Variants in ARAP2 observed in about 807,000 individuals in gnomAD.
The protein encoded by ARAP2 is arf-GAP with Rho-GAP domain, ANK repeat and PH domain-containing protein 2.
ARAP2 carries 148 observed loss-of-function variants against 194.5 expected under a neutral mutation model. The ratio of observed to expected loss-of-function variants is 0.76; its 90% CI spans 0.67 to 0.87. The LOEUF is 0.87. Among genes scored for constraint, ARAP2 ranks in the 40% least tolerant of loss-of-function variants. The probability of loss-of-function intolerance (pLI) is 0.00; values close to 1 mark genes in which losing one functional copy is unlikely to be tolerated. For synonymous variants in ARAP2, 695 were observed against 683.5 expected, an observed-to-expected ratio of 1.02 and a Z score of -0.26; for missense variants, 2,128 against 1,989.7, an observed-to-expected ratio of 1.07 and a Z score of -1.32.
At chr4:36,054,733 C>T (rs1335960782) in intron 2 of ARAP2, among the ~76,000 whole-genome samples, 1 of 152,000 alleles carries the variant, frequency 6.6e-6, no homozygotes, top group Non-Finnish European at 1.5e-5. Context: ...ACATCATTAC[C>T]ACATACTACC....
chr4:36,187,911 G>A (rs1740939454), intron 7 of ARAP2, among the ~76,000 whole-genome samples: 1 of 152,170 alleles, frequency 6.6e-6, no homozygotes, highest in South Asian at 2.1e-4. Flanking sequence ...ATGATTTTAT[G>A]GTGTTTGCAG....
At chr4:36,192,824 T>C (rs1255928676) in intron 7 of ARAP2, among the ~76,000 whole-genome samples, 2 of 152,108 alleles carry the variant, frequency 1.3e-5, no homozygotes, top group Admixed American at 1.3e-4. Flanking sequence ...TGGTGAAACC[T>C]TGTCTCTACT....
intron 32 of ARAP2, 85 bp downstream of exon 32, chr4:36,073,604 T>A: frequency 6.9e-7 from 1 of 1,446,514 alleles, no homozygotes; most frequent in Non-Finnish European, 9.4e-7. Flanking sequence ...TTGAAGCCAA[T>A]GAAGTAATTA....
intron 19 of ARAP2, among the ~76,000 whole-genome samples, chr4:36,141,155 T>C (rs540768149): frequency 6.6e-6 from 1 of 151,798 alleles, no homozygotes; most frequent in African/African-American, 2.4e-5. Flanking sequence ...AAAGTGATGA[T>C]ACAATTTCCT....
At chr4:36,150,125 C>T (rs973939835) in intron 16 of ARAP2, among the ~76,000 whole-genome samples, 5 of 152,020 alleles carry the variant, frequency 3.3e-5, no homozygotes, top group Non-Finnish European at 7.4e-5. Flanking sequence ...TTTTTTCTGA[C>T]CATTAAATTA....
chr4:36,028,893 A>T (rs1718428868), intron 5 of ARAP2, among the ~76,000 whole-genome samples: 1 of 151,922 alleles, frequency 6.6e-6, no homozygotes, highest in Non-Finnish European at 1.5e-5. Context: ...CACAGATGAA[A>T]GGGCCATTTT....
rs759514696 is a variant in ARAP2 at position 36,068,085 on chromosome 4, C to T, written c.4937G>A (p.Gly1646Glu). ...TAGGCCTTTATGGCCTTTTGGTTGC[C>T]CAAGTGGGGCTTCAGGCTCTGTGTC... Reference protein sequence around the residue: ...LEDTEPEAPLGQPKGHKGLKT... With the variant: ...LEDTEPEAPLEQPKGHKGLKT... The change falls in exon 33 of 33, where the codon GGG becomes GAG. Residue 1646 changes from glycine to glutamate, a missense_variant. Physicochemically the swap from Gly to Glu is moderately conservative, Grantham distance 98. Transcript: ENST00000303965. The T allele has an allele frequency of 6.2e-7, 1 of 1,614,068 alleles. No individual in the cohort carries two copies. The highest frequency in any genetic ancestry group is 8.5e-7 in the Non-Finnish European group (1 of 1,179,974).
chr4:36,236,861 CAA>C (rs1470995306), intron 1 of ARAP2, among the ~76,000 whole-genome samples: 2 of 152,136 alleles, frequency 1.3e-5, no homozygotes, highest in East Asian at 3.8e-4. Context: ...ATAAAAAATT[CAA>C]GTGTGATTTT....
chr4:36,117,073 A>G lies in ARAP2; in HGVS notation c.4026T>C (p.Ser1342=). 6.3e-7 allele frequency: 1 copy of G among 1,592,360 alleles called. No individual in the cohort carries two copies. Among genetic ancestry groups the G allele is most frequent in the Non-Finnish European group, 8.5e-7 (1 of 1,170,706 alleles). The change falls in exon 25 of 33, where the codon AGT becomes AGC. Residue 1342 remains serine (S), a synonymous_variant. Coordinates refer to ENST00000303965, the MANE Select transcript of ARAP2 (RefSeq NM_015230.4). ...CTTTAGAACTTACCCGAATTATAAT[A>G]CTACAGTCGGGTTCCTTCCTTTCTA... ...VYVERKEPDC[S]IIIRISPVME... is the part of the protein sequence containing the mutation.
At chr4:36,122,234 A>G (rs1227913306) in intron 22 of ARAP2, among the ~76,000 whole-genome samples, 1 of 151,944 alleles carries the variant, frequency 6.6e-6, no homozygotes, top group South Asian at 2.1e-4. Context: ...CTAAAGACAG[A>G]AATATCATTC....
chr4:36,223,613 C>T (rs555952056), intron 2 of ARAP2, among the ~76,000 whole-genome samples: 4 of 152,102 alleles, frequency 2.6e-5, no homozygotes, highest in Non-Finnish European at 5.9e-5. Context: ...CCCAACGTGG[C>T]GACTGTATTT....
At chr4:36,035,226 G>A (rs1324100101) in intron 5 of ARAP2, among the ~76,000 whole-genome samples, 1 of 151,866 alleles carries the variant, frequency 6.6e-6, no homozygotes, top group South Asian at 2.1e-4. Context: ...TCTTTTGGTG[G>A]GTAGGCTATT....
chr4:36,128,124 A>G (rs1445398234), intron 21 of ARAP2, among the ~76,000 whole-genome samples: 2 of 152,034 alleles, frequency 1.3e-5, no homozygotes, highest in Non-Finnish European at 2.9e-5. Context: ...TGTAGAACAC[A>G]TAATAGAAGA....
intron 9 of ARAP2, among the ~76,000 whole-genome samples, chr4:36,169,003 G>C (rs545178297): frequency 6.6e-6 from 1 of 152,212 alleles, no homozygotes; most frequent in African/African-American, 2.4e-5. Flanking sequence ...CTATACTCCT[G>C]CTGGATGACA....
chr4:36,080,628 TGAG>T (rs1328744714), intron 30 of ARAP2, among the ~76,000 whole-genome samples: 1 of 152,160 alleles, frequency 6.6e-6, no homozygotes, highest in Non-Finnish European at 1.5e-5. Flanking sequence ...ATTCTGAGCC[TGAG>T]AAGAAAAATA....
intron 1 of ARAP2, among the ~76,000 whole-genome samples, chr4:36,242,997 C>CT (rs1238464678): frequency 3.3e-5 from 5 of 151,800 alleles, no homozygotes; most frequent in African/African-American, 9.7e-5. Context: ...CCATGACCCA[C>CT]TTTTTTTTCT....
At chr4:36,196,202 C>A (rs1025426480) in intron 6 of ARAP2, among the ~76,000 whole-genome samples, 7 of 152,220 alleles carry the variant, frequency 4.6e-5, no homozygotes, top group Non-Finnish European at 1.0e-4. Flanking sequence ...TGCAGCCACT[C>A]CAACACTTAA....
intron 28 of ARAP2, among the ~76,000 whole-genome samples, chr4:36,085,665 A>G (rs1202279986): frequency 6.6e-6 from 1 of 151,976 alleles, no homozygotes; most frequent in African/African-American, 2.4e-5. Flanking sequence ...ATGTCTTCAA[A>G]TTATTCTTAT....
chr4:36,104,417 A>C lies in ARAP2; in HGVS notation c.4285+3148T>G, dbSNP rs190182714. Among the ~76,000 whole-genome samples, 467 of 152,060 alleles carry C rather than the reference A, an allele frequency of 3.1e-3. 2 individuals are homozygous for C. The highest frequency in any genetic ancestry group is 0.014 in the Middle Eastern group (4 of 294). On this transcript the variant is annotated intron_variant, in intron 27 of 32. Coordinates refer to ENST00000303965, the MANE Select transcript of ARAP2 (RefSeq NM_015230.4). ...CTTTTAGATCCCAATTTTAAGGTGTAGCAGAGGTAATGAAATGGAGCAATA... is the reference window on the plus strand; with the variant it reads ...CTTTTAGATCCCAATTTTAAGGTGTCGCAGAGGTAATGAAATGGAGCAATA...
Sources: gnomAD v4.1 joint callset for allele counts (sites outside exome capture counted in the v4.1 genomes callset) on GRCh38, gnomAD v4.1.1 for gene constraint, MANE v1.5 for transcripts, NCBI Gene and HGNC (gene_info 2026-07-23, HGNC 2026-07-21) for gene names.